Variants in POFUT3 observed in about 807,000 individuals in gnomAD.
The protein encoded by POFUT3 is GDP-fucose protein O-fucosyltransferase 3.
the POFUT3 span, among the ~76,000 whole-genome samples, chr8:33,400,313 TGTAGTG>T: frequency 6.6e-6 from 1 of 151,710 alleles, no homozygotes; most frequent in African/African-American, 2.4e-5. Flanking sequence ...CTTCATTTCG[TGTAGTG>T]GTACACACCT....
the POFUT3 span, among the ~76,000 whole-genome samples, chr8:33,326,747 C>T: frequency 3.3e-5 from 5 of 151,852 alleles, no homozygotes; most frequent in African/African-American, 7.3e-5. Flanking sequence ...TTGCTCTGCT[C>T]ATGTAGCCAA....
At chr8:33,359,645 C>T in the POFUT3 span, among the ~76,000 whole-genome samples, 2 of 152,146 alleles carry the variant, frequency 1.3e-5, no homozygotes, top group Non-Finnish European at 2.9e-5. Flanking sequence ...TTTAAAATTT[C>T]ACCCCACCAT....
At chr8:33,448,978 A>G in the POFUT3 span, among the ~76,000 whole-genome samples, 1 of 152,148 alleles carries the variant, frequency 6.6e-6, no homozygotes, top group African/African-American at 2.4e-5. Flanking sequence ...CTGAGCACCT[A>G]CTGTGTACAA....
chr8:33,333,712 C>T, the POFUT3 span, among the ~76,000 whole-genome samples: 185 of 152,166 alleles, frequency 1.2e-3, 1 homozygote, highest in African/African-American at 4.3e-3. Flanking sequence ...AGAAGTGAGA[C>T]TGGAAAGCAA....
chr8:33,424,763 A>G, the POFUT3 span, among the ~76,000 whole-genome samples: 5 of 152,106 alleles, frequency 3.3e-5, no homozygotes, highest in Admixed American at 6.6e-5. Flanking sequence ...CCAAAAGATA[A>G]ACTAGAGGCC....
At chr8:33,443,504 A>AT in the POFUT3 span, among the ~76,000 whole-genome samples, 10 of 152,004 alleles carry the variant, frequency 6.6e-5, no homozygotes, top group Middle Eastern at 6.8e-3. Flanking sequence ...TATTTTATTT[A>AT]TTTTTTTGAG....
the POFUT3 span, among the ~76,000 whole-genome samples, chr8:33,329,832 C>T: frequency 6.6e-6 from 1 of 152,100 alleles, no homozygotes; most frequent in East Asian, 1.9e-4. Flanking sequence ...TACTTTCTGT[C>T]CAAAGATTCA....
the POFUT3 span, among the ~76,000 whole-genome samples, chr8:33,375,001 C>A: frequency 5.3e-5 from 8 of 151,922 alleles, no homozygotes; most frequent in Non-Finnish European, 8.8e-5. Flanking sequence ...CTGCCTCAGC[C>A]TCCCAAGTAG....
At chr8:33,443,966 C>CTTTTT in the POFUT3 span, among the ~76,000 whole-genome samples, 4 of 133,826 alleles carry the variant, frequency 3.0e-5, 1 homozygote, top group Admixed American at 2.3e-4. Flanking sequence ...TTTCTACAAG[C>CTTTTT]TTTTTTTTTT....
At chr8:33,436,221 T>C in the POFUT3 span, 1 of 1,321,406 alleles carries the variant, frequency 7.6e-7, no homozygotes, top group African/African-American at 1.4e-5. Flanking sequence ...AGAGACTGGG[T>C]ACCACGAAGG....
the POFUT3 span, among the ~76,000 whole-genome samples, chr8:33,319,489 T>C: frequency 4.8e-5 from 2 of 41,954 alleles, no homozygotes; most frequent in Non-Finnish European, 7.1e-5. Flanking sequence ...TTATATAATA[T>C]ATAAATATAT....
the POFUT3 span, among the ~76,000 whole-genome samples, chr8:33,330,202 T>C: frequency 6.6e-6 from 1 of 152,110 alleles, no homozygotes; most frequent in African/African-American, 2.4e-5. Context: ...TCCCAGCACT[T>C]TGGGAGGCTG....
At chr8:33,428,869 C>G in the POFUT3 span, among the ~76,000 whole-genome samples, 5 of 152,204 alleles carry the variant, frequency 3.3e-5, no homozygotes, top group African/African-American at 9.6e-5. Context: ...GCCCCCAGAA[C>G]CATGAGCCAA....
chr8:33,339,063 A>G, the POFUT3 span: 1 of 152,222 alleles, frequency 6.6e-6, no homozygotes, highest in Admixed American at 6.5e-5. Flanking sequence ...ATGAAAAAAG[A>G]CAATCAATAG....
the POFUT3 span, among the ~76,000 whole-genome samples, chr8:33,358,832 A>C: frequency 2.0e-5 from 3 of 150,548 alleles, no homozygotes; most frequent in African/African-American, 7.5e-5. Flanking sequence ...GCAACACCCC[A>C]TCTCTTAAAA....
the POFUT3 span, among the ~76,000 whole-genome samples, chr8:33,385,960 G>A: frequency 6.6e-6 from 1 of 151,962 alleles, no homozygotes; most frequent in African/African-American, 2.4e-5. Flanking sequence ...GGCCGAGGCC[G>A]GTGGATCACC....
chr8:33,466,138 C>T, the POFUT3 span, among the ~76,000 whole-genome samples: 5 of 152,122 alleles, frequency 3.3e-5, no homozygotes, highest in Non-Finnish European at 7.3e-5. Context: ...TAAGTAACTA[C>T]CACTAAAGAA....
chr8:33,452,887 T>C, the POFUT3 span: 1 of 270,886 alleles, frequency 3.7e-6, no homozygotes. Flanking sequence ...ATGGAAATCT[T>C]TCTAGAAGCT....
chr8:33,332,368 G>A, the POFUT3 span, among the ~76,000 whole-genome samples: 1 of 151,820 alleles, frequency 6.6e-6, no homozygotes, highest in Non-Finnish European at 1.5e-5. Flanking sequence ...GCCTGTGCCT[G>A]TAGTCCCAGC....
Sources: gnomAD v4.1 joint callset for allele counts (sites outside exome capture counted in the v4.1 genomes callset) on GRCh38, gnomAD v4.1.1 for gene constraint, MANE v1.5 for transcripts, NCBI Gene and HGNC (gene_info 2026-07-23, HGNC 2026-07-21) for gene names.